Variants in AGXT2 observed in about 807,000 individuals in gnomAD.
AGXT2 encodes alanine--glyoxylate aminotransferase 2, mitochondrial.
AGXT2 carries 61 observed loss-of-function variants against 62.5 expected under a neutral mutation model. The ratio of observed to expected loss-of-function variants is 0.98; its 90% CI spans 0.79 to 1.21. AGXT2 has a LOEUF of 1.21. AGXT2 is among the 50% of genes most tolerant of loss of function. The probability of loss-of-function intolerance (pLI) is 0.00; values close to 1 mark genes in which losing one functional copy is unlikely to be tolerated. For synonymous variants in AGXT2, 243 were observed against 218.7 expected (o/e 1.11, Z -0.98); for missense variants, 666 against 641.5 (o/e 1.04, Z -0.41).
At position 35,045,847 on chromosome 5, in the gene AGXT2, A is replaced by G. The variant is rs990969775; in HGVS notation, c.88+1958T>C. On this transcript the variant is annotated intron_variant, in intron 1 of 13. Transcript: ENST00000231420. ...CAGTGGCGCAATCTCCGCTCACTGC[A>G]AGCTCCGACTCCCGGGTTCAAGCCA... Among the ~76,000 whole-genome samples the G allele has an allele frequency of 1.4e-4, 20 of 142,894 alleles. 1 individual carries two copies. In the South Asian group the frequency reaches 4.6e-3, roughly 33 times the overall value. 93.7% of individuals were successfully genotyped at this position (142,894 alleles called of 152,430 possible). A position where few individuals can be genotyped will look rare whatever the true frequency, so the allele number is the denominator to read the frequency against.
chr5:35,021,732 T>C (rs1767100186), intron 9 of AGXT2, among the ~76,000 whole-genome samples: 1 of 151,956 alleles, frequency 6.6e-6, no homozygotes, highest in Non-Finnish European at 1.5e-5. Flanking sequence ...TGGGATCTAA[T>C]TAAACTAAAG....
intron 5 of AGXT2, 110 bp downstream of exon 5, chr5:35,035,112 A>C: frequency 1.0e-6 from 1 of 965,272 alleles, no homozygotes; most frequent in Non-Finnish European, 1.7e-6. Flanking sequence ...CAACTAGAAA[A>C]ATATCCCTGA....
intron 9 of AGXT2, among the ~76,000 whole-genome samples, chr5:35,020,375 A>G (rs1040748194): frequency 3.9e-5 from 6 of 152,224 alleles, no homozygotes; most frequent in Non-Finnish European, 8.8e-5. Context: ...CTTATCCACC[A>G]TGATCAAGAG....
intron 7 of AGXT2, among the ~76,000 whole-genome samples, chr5:35,028,557 GT>G: frequency 1.9e-5 from 2 of 105,032 alleles, no homozygotes; most frequent in African/African-American, 7.7e-5. Flanking sequence ...AGCAGGAAAG[GT>G]GAGAGAGAGA....
chr5:35,031,936 G>A (rs1395998559), intron 7 of AGXT2, among the ~76,000 whole-genome samples: 1 of 136,242 alleles, frequency 7.3e-6, no homozygotes, highest in Admixed American at 8.0e-5. Context: ...TTAGAGATGG[G>A]ATCTTGCTTT....
chr5:35,034,252 A>C (rs547108896), intron 5 of AGXT2, among the ~76,000 whole-genome samples: 12 of 152,224 alleles, frequency 7.9e-5, no homozygotes, highest in Non-Finnish European at 1.2e-4. Context: ...TGTATCTTGA[A>C]AAAGGAGACA....
At chr5:35,024,631 G>A (rs1253494604) in intron 9 of AGXT2, among the ~76,000 whole-genome samples, 2 of 152,100 alleles carry the variant, frequency 1.3e-5, no homozygotes, top group Non-Finnish European at 2.9e-5. Context: ...TGCAGTTGGT[G>A]GTACTCCTCT....
chr5:35,038,417 G>A (rs1767858490), intron 3 of AGXT2, among the ~76,000 whole-genome samples: 1 of 152,192 alleles, frequency 6.6e-6, no homozygotes. Flanking sequence ...TTTCATGTAT[G>A]TTTGTCCTAC....
intron 1 of AGXT2, among the ~76,000 whole-genome samples, chr5:35,043,413 A>G (rs1378604942): frequency 2.0e-5 from 3 of 152,220 alleles, no homozygotes; most frequent in Non-Finnish European, 4.4e-5. Context: ...CTGTTGCCCA[A>G]TGCTCATATA....
Position 35,033,561 on chromosome 5 carries a change from G to A in AGXT2, c.582-8C>T, listed in dbSNP as rs751652572. 6.2e-7 allele frequency: 1 copy of A among 1,611,054 alleles called. No individual in the cohort carries two copies. The highest frequency in any genetic ancestry group is 1.1e-5 in the South Asian group (1 of 91,020). On this transcript the variant is annotated splice_region_variant and splice_polypyrimidine_tract_variant and intron_variant, in intron 5 of 13. Coordinates refer to ENST00000231420, the MANE Select transcript of AGXT2 (RefSeq NM_031900.4). ...CATCCATGGTAGGCTCCTCTGCAGA[G>A]AAGAAACAACAGGAGGATGGGGTCA...
chr5:35,047,193 C>G (rs568024057), intron 1 of AGXT2, among the ~76,000 whole-genome samples: 1 of 152,350 alleles, frequency 6.6e-6, no homozygotes, highest in East Asian at 1.9e-4. Context: ...AATCCGAGCA[C>G]TTTGAAAGAC....
At chr5:35,008,348 G>A (rs943632058) in intron 12 of AGXT2, among the ~76,000 whole-genome samples, 8 of 152,144 alleles carry the variant, frequency 5.3e-5, no homozygotes, top group Admixed American at 3.9e-4. Context: ...TTGTTCATAT[G>A]ACTTTGAGCA....
At chr5:35,042,737 TGTGTG>T (rs1768032286) in intron 1 of AGXT2, among the ~76,000 whole-genome samples, 1 of 37,470 alleles carries the variant, frequency 2.7e-5, no homozygotes. Context: ...TATGCATACC[TGTGTG>T]TGTGTGTGTG....
chr5:35,039,507 G>C lies in AGXT2; in HGVS notation c.179C>G (p.Ser60Cys). 1 of 1,613,632 alleles carries C rather than the reference G, an allele frequency of 6.2e-7. No homozygotes were observed. Among genetic ancestry groups the C allele is most frequent in the Non-Finnish European group, 8.5e-7 (1 of 1,179,690 alleles). ...TTCCAGGACACGGTTGTAGCCAAGG[G>C]ACTGTAGATAAACAAGATTTAAACC... ...PCDFMPERYQ[S>C]LGYNRVLEIH... The change falls in exon 3 of 14, where the codon TCC becomes TGC. Residue 60 changes from serine to cysteine, a missense_variant and splice_region_variant. Ser to Cys is a moderately radical substitution (Grantham distance 112, BLOSUM62 -1). Transcript: ENST00000231420.
chr5:35,036,892 C>CTG (rs1767787245), intron 4 of AGXT2, 50 bp downstream of exon 4: 1 of 1,608,818 alleles, frequency 6.2e-7, no homozygotes, highest in Admixed American at 1.7e-5. Flanking sequence ...GAGCATCATA[C>CTG]CTTTTTTTTT....
chr5:35,042,736 CTGTGTGTGTG>C (rs66463119), intron 1 of AGXT2, among the ~76,000 whole-genome samples: 28 of 142,484 alleles, frequency 2.0e-4, no homozygotes, highest in East Asian at 1.3e-3. Context: ...ATATGCATAC[CTGTGTGTGTG>C]TGTGTGTGTG....
intron 7 of AGXT2, among the ~76,000 whole-genome samples, chr5:35,027,246 A>C (rs942492944): frequency 2.0e-5 from 3 of 152,198 alleles, no homozygotes; most frequent in Non-Finnish European, 2.9e-5. Flanking sequence ...AAATAGTAGA[A>C]ATCATGGCTG....
In AGXT2 at chr5:35,036,908, A is replaced by G. The variant is rs761637969; in HGVS notation, c.486+34T>C. On this transcript the variant is annotated intron_variant, in intron 4 of 13. Transcript: ENST00000231420. ...AGCATCATACCTTTTTTTTTCCCCC[A>G]TAACATTCACCTCCTGCAGGAAGAG... 2.7e-5 allele frequency: 44 copies of G among 1,611,742 alleles called. No individual in the cohort carries two copies. In the South Asian group the frequency reaches 4.6e-4, roughly 17 times the overall value.
At chr5:35,044,965 T>C (rs1211373866) in intron 1 of AGXT2, among the ~76,000 whole-genome samples, 2 of 152,208 alleles carry the variant, frequency 1.3e-5, no homozygotes, top group Non-Finnish European at 2.9e-5. Flanking sequence ...TGGAAATAGA[T>C]GACTTTTTGT....
Sources: allele counts gnomAD v4.1 joint callset (sites outside exome capture counted in the v4.1 genomes callset), GRCh38; gene constraint gnomAD v4.1.1; transcripts MANE v1.5; gene names NCBI Gene and HGNC (gene_info 2026-07-23, HGNC 2026-07-21).